Variants in SYN3 observed in about 807,000 individuals in gnomAD.
The protein encoded by SYN3 is synapsin-3.
A neutral mutation model predicts 65.8 loss-of-function variants in SYN3; 35 were observed. The ratio of observed to expected loss-of-function variants is 0.53; its 90% CI spans 0.41 to 0.70. SYN3 has a LOEUF of 0.70. SYN3 is among the 30% of genes least tolerant of loss of function. The probability of loss-of-function intolerance (pLI) is 0.00; values close to 1 mark genes in which losing one functional copy is unlikely to be tolerated. For missense variants in SYN3, 680 were observed against 749.0 expected, an observed-to-expected ratio of 0.91 and a Z score of 1.08; for synonymous variants, 270 against 292.9, an observed-to-expected ratio of 0.92 and a Z score of 0.80.
chr22:32,966,753 A>G, intron 3 of SYN3, among the ~76,000 whole-genome samples: 1 of 152,104 alleles, frequency 6.6e-6, no homozygotes, highest in Non-Finnish European at 1.5e-5. Context: ...TGTCTCTACA[A>G]AATATTTTAA....
chr22:32,867,838 C>A (rs567181727), intron 5 of SYN3, among the ~76,000 whole-genome samples: 1 of 152,264 alleles, frequency 6.6e-6, no homozygotes, highest in South Asian at 2.1e-4. Flanking sequence ...GCCTCGGCCT[C>A]CCAAAGTGCT....
At chr22:32,667,008 TCTC>T (rs1396959891) in intron 6 of SYN3, among the ~76,000 whole-genome samples, 17 of 152,152 alleles carry the variant, frequency 1.1e-4, no homozygotes, top group Non-Finnish European at 2.2e-4. Flanking sequence ...TGAAAAGTGA[TCTC>T]CTCACGGAAC....
At chr22:32,936,923 T>C (rs1388458229) in intron 3 of SYN3, among the ~76,000 whole-genome samples, 2 of 152,160 alleles carry the variant, frequency 1.3e-5, no homozygotes, top group Non-Finnish European at 2.9e-5. Context: ...CATGTAGATC[T>C]GTCCCAAGAA....
chr22:32,777,884 C>T (rs1793604749), intron 6 of SYN3, among the ~76,000 whole-genome samples: 1 of 152,022 alleles, frequency 6.6e-6, no homozygotes, highest in Non-Finnish European at 1.5e-5. Flanking sequence ...CTAGTTTTTT[C>T]TGACTACATG....
At chr22:32,989,705 T>C (rs56841962) in intron 2 of SYN3, among the ~76,000 whole-genome samples, 30,980 of 148,958 alleles carry the variant, frequency 0.21, 3,715 homozygotes, top group East Asian at 0.43. Flanking sequence ...CATGGTGGCA[T>C]GCGCCTGTAA....
intron 6 of SYN3, among the ~76,000 whole-genome samples, chr22:32,636,733 C>T (rs764835536): frequency 3.3e-5 from 5 of 152,146 alleles, no homozygotes; most frequent in African/African-American, 1.2e-4. Context: ...GAAAGAGAAA[C>T]AGGCTCTCTA....
At chr22:32,920,409 T>C (rs1208332071) in intron 4 of SYN3, among the ~76,000 whole-genome samples, 1 of 152,182 alleles carries the variant, frequency 6.6e-6, no homozygotes, top group Non-Finnish European at 1.5e-5. Context: ...AATTTTAACA[T>C]GCCCCGGGAT....
intron 6 of SYN3, among the ~76,000 whole-genome samples, chr22:32,789,984 T>A (rs2046282469): frequency 6.6e-6 from 1 of 152,234 alleles, no homozygotes; most frequent in Non-Finnish European, 1.5e-5. Context: ...ACATATATCA[T>A]CTTATTTATT....
intron 6 of SYN3, among the ~76,000 whole-genome samples, chr22:32,611,654 T>G (rs1433845222): frequency 1.3e-5 from 2 of 152,184 alleles, no homozygotes; most frequent in Non-Finnish European, 2.9e-5. Context: ...TTATTCTTAC[T>G]TTGTCATCCC....
chr22:32,912,043 C>T (rs186808000), intron 4 of SYN3, among the ~76,000 whole-genome samples: 32 of 152,276 alleles, frequency 2.1e-4, no homozygotes, highest in African/African-American at 7.2e-4. Context: ...GCTTATCGTA[C>T]GCATCAAGAA....
At chr22:32,617,559 G>T (rs1051251982) in intron 6 of SYN3, among the ~76,000 whole-genome samples, 2 of 151,840 alleles carry the variant, frequency 1.3e-5, no homozygotes, top group Admixed American at 1.3e-4. Flanking sequence ...GAGAGAGAAG[G>T]ATGAATGATG....
chr22:32,988,678 G>A (rs1389709448), intron 2 of SYN3, among the ~76,000 whole-genome samples: 2 of 152,124 alleles, frequency 1.3e-5, no homozygotes, highest in Non-Finnish European at 2.9e-5. Context: ...CAGTCTGAAG[G>A]TCAGGGGTCA....
chr22:32,648,846 CTGAGG>C (rs1447389349), intron 6 of SYN3, among the ~76,000 whole-genome samples: 3 of 152,208 alleles, frequency 2.0e-5, no homozygotes, highest in Non-Finnish European at 4.4e-5. Flanking sequence ...CTCTTTTACT[CTGAGG>C]TGCCACACAA....
intron 4 of SYN3, among the ~76,000 whole-genome samples, chr22:32,910,790 G>T (rs1392520182): frequency 6.6e-6 from 1 of 152,192 alleles, no homozygotes; most frequent in Admixed American, 6.5e-5. Context: ...CTCTCTAAAT[G>T]TGCTTAGAAC....
At chr22:32,814,962 T>C (rs2047048599) in intron 6 of SYN3, among the ~76,000 whole-genome samples, 1 of 152,254 alleles carries the variant, frequency 6.6e-6, no homozygotes, top group Non-Finnish European at 1.5e-5. Flanking sequence ...TTTCAATATG[T>C]AATCAATTTT....
chr22:32,707,488 G>C (rs1442565373), intron 6 of SYN3, among the ~76,000 whole-genome samples: 1 of 152,210 alleles, frequency 6.6e-6, no homozygotes, highest in Non-Finnish European at 1.5e-5. Flanking sequence ...ATTAGGTGCA[G>C]AGTGTCAGTC....
At chr22:32,884,836 C>T (rs2049246570) in intron 4 of SYN3, among the ~76,000 whole-genome samples, 1 of 152,060 alleles carries the variant, frequency 6.6e-6, no homozygotes, top group Admixed American at 6.6e-5. Flanking sequence ...AAGATCACGC[C>T]ACTGCACTCC....
intron 1 of SYN3, among the ~76,000 whole-genome samples, chr22:33,015,910 C>T (rs542835827): frequency 2.0e-5 from 3 of 148,448 alleles, no homozygotes; most frequent in East Asian, 3.9e-4. Flanking sequence ...GGCACCATCT[C>T]GGCTCACTGC....
intron 6 of SYN3, among the ~76,000 whole-genome samples, chr22:32,675,446 T>C (rs470033): frequency 0.9 from 137,210 of 151,980 alleles, 62,154 homozygotes; most frequent in African/African-American, 0.98. Flanking sequence ...TTCAGCTGCC[T>C]GGGACATGGC....
Sources: gnomAD v4.1 joint callset for allele counts (sites outside exome capture counted in the v4.1 genomes callset) on GRCh38, gnomAD v4.1.1 for gene constraint, MANE v1.5 for transcripts, NCBI Gene and HGNC (gene_info 2026-07-23, HGNC 2026-07-21) for gene names.